THTPA: variants seen among roughly 807,000 people sequenced by gnomAD.
The protein encoded by THTPA is thiamine triphosphatase, also known as thiamine-triphosphatase.
THTPA carries 16 observed loss-of-function variants against 16.5 expected under a neutral mutation model. That is an observed-to-expected ratio of 0.97 (90% CI 0.66 to 1.47). The LOEUF is 1.47. THTPA is among the 40% of genes most tolerant of loss of function. The pLI is 0.00. For synonymous variants in THTPA, 110 were observed against 115.5 expected, an observed-to-expected ratio of 0.95 and a Z score of 0.30; for missense variants, 281 against 280.9, an observed-to-expected ratio of 1.00 and a Z score of 0.00.
the THTPA span, chr14:23,521,826 G>A: frequency 1.4e-6 from 2 of 1,406,380 alleles, no homozygotes; most frequent in East Asian, 2.5e-5. Flanking sequence ...GCCCACTGAG[G>A]GTGGGAACTG....
chr14:23,526,325 A>G, the THTPA span: 1 of 1,536,290 alleles, frequency 6.5e-7, no homozygotes, highest in East Asian at 2.4e-5. Flanking sequence ...ATGAACCAAC[A>G]GAATATTCTT....
the THTPA span, chr14:23,526,252 TGCAGGG>T: frequency 6.5e-7 from 1 of 1,536,340 alleles, no homozygotes; most frequent in East Asian, 2.4e-5. Context: ...CCTCTCCCCG[TGCAGGG>T]GCAGAGGGGT....
At chr14:23,554,214 T>C (rs1882178818), upstream of THTPA, among the ~76,000 whole-genome samples, 1 of 151,986 alleles carries the variant, frequency 6.6e-6, no homozygotes, top group East Asian at 1.9e-4. Context: ...TCTTATAACA[T>C]AAGGAAAAAT....
At chr14:23,548,963 T>C in the THTPA span, among the ~76,000 whole-genome samples, 2 of 152,328 alleles carry the variant, frequency 1.3e-5, no homozygotes, top group South Asian at 2.1e-4. Context: ...TACCAAGCTC[T>C]GTGCAGCTCT....
At position 23,557,022 on chromosome 14, in the gene THTPA, G is replaced by C. The variant is rs758217308; in HGVS notation, c.265G>C (p.Val89Leu). The C allele has an allele frequency of 7.4e-6, 12 of 1,614,218 alleles. No homozygotes were observed. The highest frequency in any genetic ancestry group is 1.0e-5 in the Non-Finnish European group (12 of 1,180,040). The change falls in exon 1 of 2, where the codon GTG becomes CTG. Residue 89 changes from valine to leucine, a missense_variant. Physicochemically the swap from Val to Leu is conservative, Grantham distance 32. Coordinates refer to ENST00000288014, the MANE Select transcript of THTPA (RefSeq NM_024328.6). Reference protein sequence around the residue: ...YKELTAEPTIVAQLCKVLRAD... With the variant: ...YKELTAEPTILAQLCKVLRAD... ...GGAACTCACAGCGGAACCTACAATT[G>C]TGGCCCAACTCTGTAAGGTGCTGCG...
chr14:23,522,606 G>C, the THTPA span: 1 of 1,531,518 alleles, frequency 6.5e-7, no homozygotes, highest in South Asian at 1.2e-5. Context: ...AAGACAGCTG[G>C]CGGTGCTGTT....
At position 23,559,569 on chromosome 14, in the gene THTPA, G is replaced by T; in HGVS notation, c.*729G>T. 3.3e-6 allele frequency: 2 copies of T among 608,032 alleles called. No homozygotes were observed. Among genetic ancestry groups the T allele is most frequent in the Non-Finnish European group, 5.9e-6 (2 of 338,650 alleles). 37.7% of individuals were successfully genotyped at this position (608,032 alleles called of 1,614,324 possible). A position where few individuals can be genotyped will look rare whatever the true frequency, so the allele number is the denominator to read the frequency against. ...TCCACTTCAAATATACCCAAATATGGCTTTCCTCACTTCTCAGGCTTTATT... is the reference window on the plus strand; with the variant it reads ...TCCACTTCAAATATACCCAAATATGTCTTTCCTCACTTCTCAGGCTTTATT... On this transcript the variant is annotated 3_prime_UTR_variant, in exon 2 of 2. Coordinates refer to ENST00000288014, the MANE Select transcript of THTPA (RefSeq NM_024328.6).
In THTPA at chr14:23,557,297, C is replaced by T. The variant is rs151273478; in HGVS notation, c.540C>T (p.Ser180=). 5.0e-6 allele frequency: 8 copies of T among 1,592,968 alleles called. No individual in the cohort carries two copies. Among genetic ancestry groups the T allele is most frequent in the Middle Eastern group, 1.7e-4 (1 of 5,978 alleles). ...TALEKIHRLS[S]MLGVPAQETA... Reference sequence around the variant, plus strand: ...TAGAGAAGATCCACAGGCTCAGCAGCATGCTTGGTGAGGGAGACAGGCCCT... The same window carrying T: ...TAGAGAAGATCCACAGGCTCAGCAGTATGCTTGGTGAGGGAGACAGGCCCT... Residue 180 remains serine (S), a synonymous_variant, in exon 1 of 2, where the codon AGC becomes AGT. Transcript: ENST00000288014.
the THTPA span, among the ~76,000 whole-genome samples, chr14:23,517,381 A>G: frequency 6.6e-6 from 1 of 152,084 alleles, no homozygotes; most frequent in Non-Finnish European, 1.5e-5. Flanking sequence ...ATCTTTTTAT[A>G]ATGTATCTGA....
the THTPA span, chr14:23,531,554 G>A: frequency 4.6e-6 from 7 of 1,522,998 alleles, no homozygotes; most frequent in Non-Finnish European, 5.3e-6. Context: ...CAGTGGTTGG[G>A]CCATTCTGTA....
chr14:23,545,267 T>G, the THTPA span, among the ~76,000 whole-genome samples: 4 of 152,320 alleles, frequency 2.6e-5, no homozygotes, highest in East Asian at 7.7e-4. Context: ...CCAGCACTGC[T>G]TGAACTCAGG....
the THTPA span, chr14:23,532,894 G>T: frequency 1.3e-6 from 2 of 1,536,220 alleles, no homozygotes; most frequent in South Asian, 1.2e-5. Flanking sequence ...CTTCCGGGAG[G>T]CTCCGGCCTA....
chr14:23,545,648 G>A, the THTPA span, among the ~76,000 whole-genome samples: 2 of 152,120 alleles, frequency 1.3e-5, no homozygotes, highest in Non-Finnish European at 2.9e-5. Flanking sequence ...TAGGTTTGTG[G>A]AAACCACATA....
the THTPA span, chr14:23,533,655 G>T: frequency 9.8e-6 from 15 of 1,537,216 alleles, no homozygotes; most frequent in Non-Finnish European, 1.3e-5. This position sits in a 1 kb window ranked among gnomAD's most constrained non-coding sequence, Gnocchi z 4.8. Context: ...TGTCTCCCGC[G>T]GAGGGTGGGA....
the THTPA span, chr14:23,534,615 C>G: frequency 2.0e-6 from 3 of 1,536,040 alleles, no homozygotes; most frequent in Non-Finnish European, 2.6e-6. The surrounding 1 kb of genome is among the most constrained non-coding windows in gnomAD (Gnocchi z 4.5). Flanking sequence ...GAAGGCAGAG[C>G]CAGAAGACCG....
At chr14:23,519,350 A>T in the THTPA span, among the ~76,000 whole-genome samples, 1 of 152,274 alleles carries the variant, frequency 6.6e-6, no homozygotes, top group East Asian at 1.9e-4. Flanking sequence ...TAACTTTTAT[A>T]CACAAGTCAC....
the THTPA span, chr14:23,526,083 C>T: frequency 6.5e-7 from 1 of 1,536,518 alleles, no homozygotes; most frequent in Non-Finnish European, 8.7e-7. Flanking sequence ...CGTTCTGGCC[C>T]TTCAATCTTG....
chr14:23,522,990 C>A, the THTPA span: 3 of 1,424,624 alleles, frequency 2.1e-6, no homozygotes, highest in South Asian at 1.5e-5. Context: ...CCTGTCCCAT[C>A]ATTCTTCCTG....
the THTPA span, among the ~76,000 whole-genome samples, chr14:23,515,963 G>A: frequency 7.8e-3 from 1,182 of 152,234 alleles, 7 homozygotes; most frequent in Non-Finnish European, 0.012. Context: ...GTTGGGGGTG[G>A]GAGTCGGGGT....
Sources: gnomAD v4.1 joint callset for allele counts (sites outside exome capture counted in the v4.1 genomes callset) on GRCh38, gnomAD v4.1.1 for gene constraint, Gnocchi (gnomAD v3.1) non-coding constraint, MANE v1.5 for transcripts, NCBI Gene and HGNC (gene_info 2026-07-23, HGNC 2026-07-21) for gene names.